Variants in STAP1 observed in about 807,000 individuals in gnomAD.
STAP1 encodes signal transducing adaptor family member 1.
In STAP1, 30 loss-of-function variants were observed where a neutral mutation model predicts 37.8. That is an observed-to-expected ratio of 0.79 (90% CI 0.59 to 1.08). The LOEUF (loss-of-function observed/expected upper bound fraction) is 1.08. Among genes scored for constraint, STAP1 ranks in the 50% least tolerant of loss-of-function variants. STAP1 has a pLI of 0.00. For missense variants in STAP1, 357 were observed against 349.4 expected, an observed-to-expected ratio of 1.02 and a Z score of -0.17; for synonymous variants, 130 against 116.0, an observed-to-expected ratio of 1.12 and a Z score of -0.78.
intron 1 of STAP1, among the ~76,000 whole-genome samples, chr4:67,560,888 A>G (rs2109850979): frequency 6.6e-6 from 1 of 151,974 alleles, no homozygotes; most frequent in Admixed American, 6.6e-5. Context: ...GGCTCAAGCA[A>G]CCTGCCCACC....
At chr4:67,574,010 A>C (rs1405587638) in intron 2 of STAP1, among the ~76,000 whole-genome samples, 5 of 152,114 alleles carry the variant, frequency 3.3e-5, no homozygotes, top group Admixed American at 3.3e-4. Context: ...TCTCAGAAGA[A>C]ATATTTTTAT....
At chr4:67,560,320 G>T (rs1349129018) in intron 1 of STAP1, among the ~76,000 whole-genome samples, 1 of 152,158 alleles carries the variant, frequency 6.6e-6, no homozygotes, top group Non-Finnish European at 1.5e-5. Flanking sequence ...AAGATAGAGA[G>T]TATACTACTT....
In STAP1 at chr4:67,581,777, T is replaced by G. The variant is rs142444690; in HGVS notation, c.530+306T>G. ...CATGAAGAAGGCAGGAAAAGATATT[T>G]TTTCACTATGCAAACTCTATGATTG... On this transcript the variant is annotated intron_variant, in intron 5 of 8. Transcript: ENST00000265404. Among the ~76,000 whole-genome samples, 478 of 152,306 alleles carry G rather than the reference T, an allele frequency of 3.1e-3. 2 individuals are homozygous for G. The highest frequency in any genetic ancestry group is 0.011 in the African/African-American group (456 of 41,568).
chr4:67,585,004 G>A (rs1345187776), intron 6 of STAP1, among the ~76,000 whole-genome samples: 2 of 152,292 alleles, frequency 1.3e-5, no homozygotes, highest in South Asian at 2.1e-4. Flanking sequence ...TTATTTTTCT[G>A]TGTAGTTGGG....
chr4:67,604,656 C>G (rs181578406), intron 8 of STAP1, among the ~76,000 whole-genome samples: 1 of 152,286 alleles, frequency 6.6e-6, no homozygotes, highest in Non-Finnish European at 1.5e-5. Flanking sequence ...TGGTCAAATT[C>G]CTTCTTTTGT....
chr4:67,588,479 G>T (rs1362248046), intron 6 of STAP1, among the ~76,000 whole-genome samples: 1 of 151,890 alleles, frequency 6.6e-6, no homozygotes, highest in Non-Finnish European at 1.5e-5. Context: ...GTGCGAGCTC[G>T]GCTCACTGCC....
At chr4:67,581,117 T>C (rs1292504527) in intron 4 of STAP1, among the ~76,000 whole-genome samples, 188 bp from the exon 5 acceptor site, 1 of 152,184 alleles carries the variant, frequency 6.6e-6, no homozygotes, top group Admixed American at 6.5e-5. Flanking sequence ...CAGGTTGTAG[T>C]TGGTGCAGAG....
chr4:67,571,539 G>T (rs1727606771), intron 2 of STAP1, among the ~76,000 whole-genome samples: 1 of 152,120 alleles, frequency 6.6e-6, no homozygotes, highest in Non-Finnish European at 1.5e-5. Context: ...GGAACAAAAT[G>T]ATCTCCAGAG....
chr4:67,568,376 A>C (rs72848529), intron 1 of STAP1, among the ~76,000 whole-genome samples: 6,505 of 152,294 alleles, frequency 0.043, 481 homozygotes, highest in African/African-American at 0.15. Flanking sequence ...GGAAGGAATG[A>C]TTAACATGTT....
intron 8 of STAP1, among the ~76,000 whole-genome samples, chr4:67,603,913 G>A (rs1728396981): frequency 6.6e-6 from 1 of 152,078 alleles, no homozygotes; most frequent in South Asian, 2.1e-4. Flanking sequence ...ATGTCCACTG[G>A]CTCCAAGCCC....
intron 6 of STAP1, among the ~76,000 whole-genome samples, chr4:67,588,385 C>CT (rs559515029): frequency 4.6e-5 from 7 of 151,500 alleles, no homozygotes; most frequent in East Asian, 1.9e-4. Flanking sequence ...GATATGATGT[C>CT]TTTTTTTTGT....
intron 8 of STAP1, among the ~76,000 whole-genome samples, chr4:67,596,193 CT>C (rs1728219984): frequency 6.6e-6 from 1 of 152,098 alleles, no homozygotes; most frequent in African/African-American, 2.4e-5. Context: ...TGAGGGAGTT[CT>C]CATGAGATCT....
At chr4:67,574,267 G>A (rs1727670955) in intron 2 of STAP1, among the ~76,000 whole-genome samples, 2 of 151,886 alleles carry the variant, frequency 1.3e-5, no homozygotes, top group African/African-American at 2.4e-5. Flanking sequence ...TCTTGCATTG[G>A]TAACCAACTG....
chr4:67,567,344 T>A (rs1002769066), intron 1 of STAP1, among the ~76,000 whole-genome samples: 3 of 147,674 alleles, frequency 2.0e-5, no homozygotes, highest in African/African-American at 7.5e-5. Context: ...GCAGGTTCAT[T>A]GCATGTTATA....
intron 1 of STAP1, among the ~76,000 whole-genome samples, chr4:67,563,286 A>G (rs916002236): frequency 1.3e-5 from 2 of 152,220 alleles, no homozygotes; most frequent in Non-Finnish European, 2.9e-5. Flanking sequence ...TAAGTGGACT[A>G]TATAATAATG....
intron 1 of STAP1, among the ~76,000 whole-genome samples, chr4:67,561,780 A>G (rs1490824558): frequency 1.3e-5 from 2 of 152,120 alleles, no homozygotes; most frequent in African/African-American, 4.8e-5. Flanking sequence ...AAAATAAGAG[A>G]GAGTGTGGGT....
rs185664328 is a variant in STAP1 at position 67,585,137 on chromosome 4, C to A, written c.659+1435C>A. Among the ~76,000 whole-genome samples the A allele has an allele frequency of 3.3e-5, 5 of 152,142 alleles. No homozygotes were observed. In the East Asian group the frequency reaches 5.8e-4, roughly 18 times the overall value. On this transcript the variant is annotated intron_variant, in intron 6 of 8. Coordinates refer to ENST00000265404, the MANE Select transcript of STAP1 (RefSeq NM_012108.4). ...TATAATTTAAATATCAAGGTTATGT[C>A]CTACATAAAAATGTTCAGTAAATGA...
intron 8 of STAP1, among the ~76,000 whole-genome samples, chr4:67,601,450 C>T (rs1728340079): frequency 6.6e-6 from 1 of 152,194 alleles, no homozygotes; most frequent in Admixed American, 6.5e-5. Flanking sequence ...TGAGTTTTGT[C>T]CCAAAGAGAT....
At chr4:67,564,172 T>C (rs578234130) in intron 1 of STAP1, among the ~76,000 whole-genome samples, 45 of 152,294 alleles carry the variant, frequency 3.0e-4, no homozygotes, top group African/African-American at 1.1e-3. Flanking sequence ...GGTCTGTCCT[T>C]AGGTTTGCAG....
Sources: allele counts gnomAD v4.1 joint callset (sites outside exome capture counted in the v4.1 genomes callset), GRCh38; gene constraint gnomAD v4.1.1; transcripts MANE v1.5; gene names NCBI Gene and HGNC (gene_info 2026-07-23, HGNC 2026-07-21).